CWF19L2: variants seen among roughly 807,000 people sequenced by gnomAD.
CWF19L2 encodes CWF19-like protein 2.
In CWF19L2, 98 loss-of-function variants were observed where a neutral mutation model predicts 111.7. That is an observed-to-expected ratio of 0.88 (90% CI 0.75 to 1.04). The LOEUF is 1.04. Ranked by LOEUF, CWF19L2 falls within the 50% of genes least tolerant of loss-of-function variation. The pLI, the probability that CWF19L2 is intolerant of heterozygous loss-of-function variation, is 0.00. For missense variants in CWF19L2, 1,101 were observed against 1,051.4 expected, an observed-to-expected ratio of 1.05 and a Z score of -0.65; for synonymous variants, 351 against 342.9, an observed-to-expected ratio of 1.02 and a Z score of -0.26.
intron 3 of CWF19L2, among the ~76,000 whole-genome samples, chr11:107,448,392 A>T (rs1861731540): frequency 6.6e-6 from 1 of 151,082 alleles, no homozygotes; most frequent in Non-Finnish European, 1.5e-5. Context: ...GAAGCTCACG[A>T]CATAGCAATA....
At chr11:107,446,090 T>C (rs1861698556) in intron 3 of CWF19L2, among the ~76,000 whole-genome samples, 1 of 152,234 alleles carries the variant, frequency 6.6e-6, no homozygotes, top group Non-Finnish European at 1.5e-5. Flanking sequence ...ACCTGACTTA[T>C]TTCATATCAG....
chr11:107,430,679 A>C (rs1487762304), intron 7 of CWF19L2, among the ~76,000 whole-genome samples: 1 of 152,174 alleles, frequency 6.6e-6, no homozygotes, highest in Admixed American at 6.5e-5. Flanking sequence ...AAGATGCATC[A>C]TACATAGAAA....
chr11:107,373,424 G>C lies in CWF19L2; in HGVS notation c.1872+16650C>G, dbSNP rs1439567874. Among the ~76,000 whole-genome samples the C allele has an allele frequency of 3.2e-4, 43 of 136,084 alleles. 10 individuals carry two copies. Among genetic ancestry groups the C allele is most frequent in the African/African-American group, 9.4e-4 (32 of 33,938 alleles). 89.3% of individuals were successfully genotyped at this position (136,084 alleles called of 152,430 possible). On this transcript the variant is annotated intron_variant, in intron 12 of 17. Coordinates refer to ENST00000282251, the MANE Select transcript of CWF19L2 (RefSeq NM_152434.3). ...TCTCCCAGCACGCAGCTGAAGATCT[G>C]AGAACGGGCAGACTGCCTCCTCAAG... is the stretch of plus-strand genomic sequence containing the variant.
At chr11:107,387,389 G>A (rs1860783411) in intron 12 of CWF19L2, among the ~76,000 whole-genome samples, 1 of 150,682 alleles carries the variant, frequency 6.6e-6, no homozygotes, top group Admixed American at 6.6e-5. Flanking sequence ...TCTCAAAAGA[G>A]CAGCCAGAAA....
In CWF19L2 at chr11:107,442,774, GGAAGGAAGGAAGGA is replaced by G. The variant is rs1565287185; in HGVS notation, c.450+151_450+164del. ...AGGAAGGAAGGAAGGAAGGAAGGAA[GGAAGGAAGGAAGGA>G]AGGAAGGGAGGGAGGGAGGGAGGGA... On this transcript the variant is annotated intron_variant, in intron 4 of 17. Coordinates refer to ENST00000282251, the MANE Select transcript of CWF19L2 (RefSeq NM_152434.3). Among the ~76,000 whole-genome samples the G allele has an allele frequency of 6.3e-3, 312 of 49,598 alleles. 2 individuals are homozygous for G. The highest frequency in any genetic ancestry group is 9.5e-3 in the South Asian group (13 of 1,368). 32.5% of individuals were successfully genotyped at this position (49,598 alleles called of 152,430 possible). A position where few individuals can be genotyped will look rare whatever the true frequency, so the allele number is the denominator to read the frequency against.
Position 107,392,898 on chromosome 11 carries a change from A to C in CWF19L2, c.1618-3T>G. On this transcript the variant is annotated splice_region_variant and splice_polypyrimidine_tract_variant and intron_variant, in intron 10 of 17. Transcript: ENST00000282251. ...ATTACTTCTTGCTGGTCTTCATTCTATAAAAAGATTTAGAGATAACTATTG... is the reference window on the plus strand; with the variant it reads ...ATTACTTCTTGCTGGTCTTCATTCTCTAAAAAGATTTAGAGATAACTATTG... 4 of 1,522,926 alleles carry C rather than the reference A, an allele frequency of 2.6e-6. No homozygotes were observed. Among genetic ancestry groups the C allele is most frequent in the Non-Finnish European group, 3.6e-6 (4 of 1,124,786 alleles). The allele number at this position is 1,522,926 out of a possible 1,614,324, so 94.3% of individuals were successfully genotyped here.
At chr11:107,397,365 G>C (rs1420200524) in intron 10 of CWF19L2, among the ~76,000 whole-genome samples, 2 of 152,198 alleles carry the variant, frequency 1.3e-5, no homozygotes, top group Non-Finnish European at 2.9e-5. Context: ...GTTTGCATGG[G>C]AGCTGGGTGA....
At chr11:107,407,647 C>CATTCTT (rs1861099296) in intron 10 of CWF19L2, among the ~76,000 whole-genome samples, 1 of 151,386 alleles carries the variant, frequency 6.6e-6, no homozygotes, top group Non-Finnish European at 1.5e-5. Flanking sequence ...GCTGCTGGGT[C>CATTCTT]CCTCTCTAAG....
chr11:107,356,208 T>C (rs1187327345), intron 12 of CWF19L2, among the ~76,000 whole-genome samples: 1 of 152,104 alleles, frequency 6.6e-6, no homozygotes, highest in Non-Finnish European at 1.5e-5. Context: ...AAATACAACA[T>C]ATCAGAATTT....
At chr11:107,344,290 G>A (rs890290374) in intron 14 of CWF19L2, among the ~76,000 whole-genome samples, 1 of 152,070 alleles carries the variant, frequency 6.6e-6, no homozygotes, top group Non-Finnish European at 1.5e-5. Flanking sequence ...TCATCATACT[G>A]GCTTCTCCTC....
intron 10 of CWF19L2, among the ~76,000 whole-genome samples, chr11:107,397,783 C>T (rs1036808531): frequency 6.6e-6 from 1 of 152,184 alleles, no homozygotes; most frequent in African/African-American, 2.4e-5. Flanking sequence ...TCTGTCACAT[C>T]CACCAGAACA....
intron 12 of CWF19L2, among the ~76,000 whole-genome samples, chr11:107,389,648 C>A (rs1849929780): frequency 6.6e-6 from 1 of 152,116 alleles, no homozygotes; most frequent in South Asian, 2.1e-4. Context: ...TTCCCAGATG[C>A]CTCTCCATAA....
chr11:107,439,767 A>C (rs1861594933), intron 5 of CWF19L2, among the ~76,000 whole-genome samples: 1 of 152,220 alleles, frequency 6.6e-6, no homozygotes, highest in Non-Finnish European at 1.5e-5. Context: ...GTGACTAATG[A>C]CAAGAGATTA....
At chr11:107,456,622 G>A (rs948714745) in intron 1 of CWF19L2, among the ~76,000 whole-genome samples, 13 of 151,244 alleles carry the variant, frequency 8.6e-5, no homozygotes, top group Admixed American at 6.6e-5. Flanking sequence ...TTATATCAGA[G>A]AACTGCTGAA....
rs755842548 is a variant in CWF19L2, at chr11:107,441,546, G to GT, written c.526dup (p.Thr176AsnfsTer14). ...TTTCTCTTGCTCTATTTTCCTCATA[G>GT]TTTCCTTTTCAGCTTTGAGTGATGA... On this transcript the variant is annotated frameshift_variant, in exon 5 of 18. Transcript: ENST00000282251. LOFTEE classifies it high-confidence loss of function. 6.4e-7 allele frequency: 1 copy of GT among 1,550,460 alleles called. No individual in the cohort carries two copies. Among genetic ancestry groups the GT allele is most frequent in the South Asian group, 1.2e-5 (1 of 83,176 alleles).
At chr11:107,414,921 C>T (rs1389505457) in intron 10 of CWF19L2, among the ~76,000 whole-genome samples, 1 of 152,198 alleles carries the variant, frequency 6.6e-6, no homozygotes, top group Non-Finnish European at 1.5e-5. Flanking sequence ...TGCATTATTA[C>T]AAAAGCCCAC....
chr11:107,361,741 T>A (rs545372084), intron 12 of CWF19L2, among the ~76,000 whole-genome samples: 1 of 152,208 alleles, frequency 6.6e-6, no homozygotes, highest in Non-Finnish European at 1.5e-5. Flanking sequence ...CTATTGTAAA[T>A]GGGATTACCT....
chr11:107,382,199 A>G (rs894293848), intron 12 of CWF19L2, among the ~76,000 whole-genome samples: 2 of 152,222 alleles, frequency 1.3e-5, no homozygotes, highest in African/African-American at 4.8e-5. Context: ...AGAAAGAGCA[A>G]AGCATACACA....
intron 14 of CWF19L2, among the ~76,000 whole-genome samples, chr11:107,343,438 T>C (rs758805509): frequency 5.3e-5 from 8 of 152,174 alleles, no homozygotes; most frequent in Non-Finnish European, 1.2e-4. Flanking sequence ...TTTTCATTAA[T>C]GGCTGCATAA....
Sources: gnomAD v4.1 joint callset for allele counts (sites outside exome capture counted in the v4.1 genomes callset) on GRCh38, gnomAD v4.1.1 for gene constraint, MANE v1.5 for transcripts, NCBI Gene and HGNC (gene_info 2026-07-23, HGNC 2026-07-21) for gene names.